Variants in KAZN observed in about 807,000 individuals in gnomAD.
The protein encoded by KAZN is kazrin.
In KAZN, 40 loss-of-function variants were observed where a neutral mutation model predicts 87.4. The ratio of observed to expected loss-of-function variants is 0.46; its 90% CI spans 0.36 to 0.60. KAZN has a LOEUF of 0.60. Ranked by LOEUF, KAZN falls within the 20% of genes least tolerant of loss-of-function variation. The probability of loss-of-function intolerance (pLI) is 0.00; values close to 1 mark genes in which losing one functional copy is unlikely to be tolerated. For synonymous variants in KAZN, 466 were observed against 458.3 expected (o/e 1.02, Z -0.22); for missense variants, 898 against 1,073.9 (o/e 0.84, Z 2.29).
At chr1:14,916,035 T>A (rs565234373) in intron 1 of KAZN, among the ~76,000 whole-genome samples, 1 of 152,148 alleles carries the variant, frequency 6.6e-6, no homozygotes. Context: ...ATGATAATAA[T>A]AGTACACTTA....
In KAZN at chr1:15,100,047, G is replaced by C. The variant is rs370973044; in HGVS notation, c.1548-1496G>C. On this transcript the variant is annotated intron_variant, in intron 10 of 14. Transcript: ENST00000376030. ...ACAGCCAGGCAGCGTTAAGAGGACA[G>C]CTAGAGGCTGAGAGAGGAAAGAGGA... Among the ~76,000 whole-genome samples, 6 of 152,174 alleles carry C rather than the reference G, an allele frequency of 3.9e-5. No homozygotes were observed. In the South Asian group the frequency reaches 1.0e-3, roughly 26 times the overall value.
chr1:14,858,011 T>TA (rs889969107), intron 1 of KAZN, among the ~76,000 whole-genome samples: 2 of 152,140 alleles, frequency 1.3e-5, no homozygotes, highest in Admixed American at 1.3e-4. Flanking sequence ...TCCATCTCTA[T>TA]AGATTTGCCT....
intron 1 of KAZN, among the ~76,000 whole-genome samples, chr1:14,830,866 G>A (rs961347218): frequency 1.3e-5 from 2 of 152,138 alleles, no homozygotes; most frequent in African/African-American, 4.8e-5. Flanking sequence ...CATATCAAGG[G>A]AGAAATGTGG....
intron 1 of KAZN, among the ~76,000 whole-genome samples, chr1:14,777,252 T>A (rs1174927461): frequency 6.6e-6 from 1 of 151,990 alleles, no homozygotes; most frequent in Admixed American, 6.6e-5. Context: ...TGCCTCAGCC[T>A]CCCAAAGTGC....
At chr1:13,994,442 C>G (rs961480049) in intron 1 of KAZN, among the ~76,000 whole-genome samples, 2 of 152,208 alleles carry the variant, frequency 1.3e-5, no homozygotes, top group African/African-American at 2.4e-5. Flanking sequence ...TGAAGCTCAT[C>G]ATTTTACAGT....
At chr1:14,853,350 G>A (rs867844667) in intron 1 of KAZN, among the ~76,000 whole-genome samples, 2 of 152,130 alleles carry the variant, frequency 1.3e-5, no homozygotes, top group African/African-American at 2.4e-5. Context: ...GAGCAAGCAC[G>A]AACCTGCCCA....
intron 1 of KAZN, among the ~76,000 whole-genome samples, chr1:13,905,108 G>A (rs1395833976): frequency 6.6e-6 from 1 of 151,928 alleles, no homozygotes; most frequent in Admixed American, 6.6e-5. Context: ...AATCTCCCAG[G>A]TATTATTTTT....
intron 2 of KAZN, among the ~76,000 whole-genome samples, chr1:14,268,035 C>T (rs1042443796): frequency 3.9e-5 from 6 of 152,130 alleles, no homozygotes; most frequent in African/African-American, 1.4e-4. Context: ...ATTGAATTGG[C>T]CAACAATTTT....
intron 2 of KAZN, among the ~76,000 whole-genome samples, chr1:14,420,130 C>A (rs1202392264): frequency 6.6e-6 from 1 of 152,186 alleles, no homozygotes; most frequent in African/African-American, 2.4e-5. Flanking sequence ...AATCCCTGAG[C>A]TAGACACAAA....
intron 1 of KAZN, among the ~76,000 whole-genome samples, chr1:14,682,202 G>A (rs997205844): frequency 5.9e-5 from 9 of 151,674 alleles, no homozygotes; most frequent in South Asian, 2.1e-4. Context: ...TGGGTAACTC[G>A]TAGCAGGTGA....
intron 2 of KAZN, among the ~76,000 whole-genome samples, chr1:14,564,191 T>G (rs1674415068): frequency 6.6e-6 from 1 of 152,158 alleles, no homozygotes; most frequent in Admixed American, 6.5e-5. Context: ...TGTTCTGAAC[T>G]TAGTATTTCA....
chr1:14,767,746 T>C (rs1050896055), intron 1 of KAZN, among the ~76,000 whole-genome samples: 3 of 152,230 alleles, frequency 2.0e-5, no homozygotes, highest in African/African-American at 7.2e-5. Context: ...CCTGCAGCCA[T>C]GGGAGGGCTC....
At chr1:14,725,861 T>C (rs1320958064) in intron 1 of KAZN, among the ~76,000 whole-genome samples, 1 of 152,188 alleles carries the variant, frequency 6.6e-6, no homozygotes, top group African/African-American at 2.4e-5. Context: ...CCTGTGATGC[T>C]GATGTTGCCA....
chr1:14,058,766 A>C (rs1642677041), intron 1 of KAZN, among the ~76,000 whole-genome samples: 1 of 152,234 alleles, frequency 6.6e-6, no homozygotes, highest in Non-Finnish European at 1.5e-5. Context: ...TAGTTTAGAC[A>C]GGATGGTTGC....
intron 1 of KAZN, among the ~76,000 whole-genome samples, chr1:13,998,964 A>G (rs1432884118): frequency 6.6e-6 from 1 of 152,210 alleles, no homozygotes; most frequent in Non-Finnish European, 1.5e-5. Context: ...ACATAATTGA[A>G]AGTAAAACAC....
At chr1:14,220,748 G>A (rs1238590936) in intron 2 of KAZN, among the ~76,000 whole-genome samples, 1 of 152,194 alleles carries the variant, frequency 6.6e-6, no homozygotes, top group African/African-American at 2.4e-5. Context: ...TGCTTCTTCT[G>A]TGGAGGGAGG....
At chr1:14,440,939 G>A (rs929659499) in intron 2 of KAZN, among the ~76,000 whole-genome samples, 2 of 152,164 alleles carry the variant, frequency 1.3e-5, no homozygotes, top group African/African-American at 4.8e-5. Context: ...CTTCTCTCCT[G>A]CTGTTGTCTC....
intron 1 of KAZN, among the ~76,000 whole-genome samples, chr1:14,119,582 C>G (rs564304611): frequency 6.6e-6 from 1 of 152,202 alleles, no homozygotes; most frequent in South Asian, 2.1e-4. Flanking sequence ...ACTCAGCCAT[C>G]TTTTTAATAG....
chr1:14,074,450 G>C (rs183945147), intron 1 of KAZN, among the ~76,000 whole-genome samples: 1 of 152,330 alleles, frequency 6.6e-6, no homozygotes, highest in Non-Finnish European at 1.5e-5. Flanking sequence ...ACACACATCA[G>C]CAATGGGACC....
Sources: gnomAD v4.1 joint callset for allele counts (sites outside exome capture counted in the v4.1 genomes callset) on GRCh38, gnomAD v4.1.1 for gene constraint, MANE v1.5 for transcripts, NCBI Gene and HGNC (gene_info 2026-07-23, HGNC 2026-07-21) for gene names.